Variants in HIVEP1 observed in about 807,000 individuals in gnomAD.
HIVEP1 encodes HIVEP zinc finger 1.
A neutral mutation model predicts 180.0 loss-of-function variants in HIVEP1; 36 were observed. That is an observed-to-expected ratio of 0.20 (90% CI 0.15 to 0.26). The LOEUF (loss-of-function observed/expected upper bound fraction) is 0.26. HIVEP1 is among the 10% of genes least tolerant of loss of function. The probability of loss-of-function intolerance (pLI) is 1.00; values close to 1 mark genes in which losing one functional copy is unlikely to be tolerated. For synonymous variants in HIVEP1, 1,239 were observed against 1,239.0 expected, an observed-to-expected ratio of 1.00 and a Z score of 0.00; for missense variants, 3,143 against 3,268.7, an observed-to-expected ratio of 0.96 and a Z score of 0.94.
chr6:12,036,940 C>T (rs1157924758), intron 2 of HIVEP1, among the ~76,000 whole-genome samples: 1 of 152,088 alleles, frequency 6.6e-6, no homozygotes, highest in Non-Finnish European at 1.5e-5. Context: ...CAAAAAACAG[C>T]CCTCCAGAGA....
At chr6:12,203,409 T>C in the HIVEP1 span, among the ~76,000 whole-genome samples, 13 of 152,224 alleles carry the variant, frequency 8.5e-5, no homozygotes, top group African/African-American at 2.9e-4. Flanking sequence ...TAGTTTTCAT[T>C]AGTCAGACAT....
rs755740907 is a variant in HIVEP1, at chr6:12,125,061, A to G, written c.5266A>G (p.Ile1756Val). 2.5e-6 allele frequency: 4 copies of G among 1,613,968 alleles called. No individual in the cohort carries two copies. The highest frequency in any genetic ancestry group is 2.7e-5 in the African/African-American group (2 of 74,926). The change falls in exon 4 of 9, where the codon ATT (isoleucine) becomes GTT (valine). Residue 1756 changes from isoleucine (I) to valine (V), a missense_variant. Physicochemically the swap from Ile to Val is conservative, Grantham distance 29. Around this residue, in one of 12 missense-constraint regions of HIVEP1, gnomAD observed 1,357 missense variants for 1,260.5 expected, o/e 1.08. Transcript: ENST00000379388. The stretch of plus-strand genomic sequence containing the variant: ...GCTTTCCCCAGCAAATAGTTTAGAC[A>G]TTGCCATGGAAAAGCACCAGAAGCG... ...RMLSPANSLD[I>V]AMEKHQKRAK...
chr6:12,167,714 TA>T (rs1246034159), downstream of HIVEP1, among the ~76,000 whole-genome samples: 2 of 78,684 alleles, frequency 2.5e-5, no homozygotes, highest in African/African-American at 4.3e-5. Context: ...CATATATGCA[TA>T]ATATATATAC....
the HIVEP1 span, among the ~76,000 whole-genome samples, chr6:12,200,599 T>C: frequency 1.2e-3 from 188 of 152,256 alleles, no homozygotes; most frequent in African/African-American, 4.3e-3. Flanking sequence ...TAGAAGGCCA[T>C]TATTGGAGGT....
chr6:12,094,369 T>A (rs1773665198), intron 3 of HIVEP1, among the ~76,000 whole-genome samples: 1 of 151,974 alleles, frequency 6.6e-6, no homozygotes, highest in Admixed American at 6.5e-5. Context: ...TCCAGTAAAA[T>A]TGGTATCTTA....
chr6:12,154,494 C>T (rs1259823953), intron 7 of HIVEP1, among the ~76,000 whole-genome samples: 1 of 152,168 alleles, frequency 6.6e-6, no homozygotes, highest in Non-Finnish European at 1.5e-5. Context: ...CTTAGGTTCA[C>T]CTCACATCCT....
rs930042448 is a variant in HIVEP1, at chr6:12,124,785, C to T, written c.4990C>T (p.Leu1664=). 4 of 1,614,090 alleles carry T rather than the reference C, an allele frequency of 2.5e-6. No homozygotes were observed. The African/African-American group carries it at 5.3e-5, about 22-fold the overall frequency. ...GCCACAAATACTAGTGACCCAAGAT[C>T]TGCCCAATCAGCCAATTTGCCAGAC... ...SLPQILVTQD[L]PNQPICQTNH... Residue 1664 remains leucine, a synonymous_variant, in exon 4 of 9, where the codon CTG becomes TTG. Coordinates refer to ENST00000379388, the MANE Select transcript of HIVEP1 (RefSeq NM_002114.4).
chr6:12,125,041 C>T lies in HIVEP1; in HGVS notation c.5246C>T (p.Ser1749Phe). The change falls in exon 4 of 9, where the codon TCC (serine) becomes TTC (phenylalanine). Residue 1749 changes from serine (S) to phenylalanine (F), a missense_variant. This residue lies in a region of HIVEP1 where 1,357 missense variants were observed against 1,260.5 expected (regional missense o/e 1.08). Transcript: ENST00000379388. ...ESSASSKRML[S>F]PANSLDIAME... Reference sequence around the variant, plus strand: ...TCAGCTTCGAGTAAAAGGATGCTTTCCCCAGCAAATAGTTTAGACATTGCC... The same window carrying T: ...TCAGCTTCGAGTAAAAGGATGCTTTTCCCAGCAAATAGTTTAGACATTGCC... 1 of 1,614,102 alleles carries T rather than the reference C, an allele frequency of 6.2e-7. No individual in the cohort carries two copies. Among genetic ancestry groups the T allele is most frequent in the Non-Finnish European group, 8.5e-7 (1 of 1,180,004 alleles).
At chr6:12,030,890 T>C (rs1199095082) in intron 2 of HIVEP1, among the ~76,000 whole-genome samples, 1 of 152,254 alleles carries the variant, frequency 6.6e-6, no homozygotes, top group African/African-American at 2.4e-5. Context: ...TAATAGATTG[T>C]AGCAACTGTG....
downstream of HIVEP1, among the ~76,000 whole-genome samples, chr6:12,167,673 CATAT>C (rs375095905): frequency 1.3e-3 from 23 of 18,376 alleles, no homozygotes; most frequent in South Asian, 3.3e-3. Flanking sequence ...TACATATATA[CATAT>C]ATGTGTATAA....
chr6:12,087,601 T>C (rs2113319314), intron 2 of HIVEP1, among the ~76,000 whole-genome samples: 1 of 152,256 alleles, frequency 6.6e-6, no homozygotes, highest in African/African-American at 2.4e-5. Context: ...AGGTAATTCA[T>C]GTATTTCGTT....
Position 12,120,788 on chromosome 6 carries a change from A to G in HIVEP1, c.993A>G (p.Thr331=), listed in dbSNP as rs751238410. 6.2e-7 allele frequency: 1 copy of G among 1,614,104 alleles called. No individual in the cohort carries two copies. The highest frequency in any genetic ancestry group is 8.5e-7 in the Non-Finnish European group (1 of 1,180,058). Residue 331 remains threonine, a synonymous_variant, in exon 4 of 9, where the codon ACA becomes ACG. Transcript: ENST00000379388. ...AACAGGTTTATAATATAGCAGTGACATCATCTGTAGGCCTAACTTCACCTT... is the reference window on the plus strand; with the variant it reads ...AACAGGTTTATAATATAGCAGTGACGTCATCTGTAGGCCTAACTTCACCTT... The part of the protein sequence containing the change: ...KLEQVYNIAV[T]SSVGLTSPSS...
intron 7 of HIVEP1, among the ~76,000 whole-genome samples, chr6:12,154,149 G>C (rs1759875929): frequency 6.6e-6 from 1 of 152,196 alleles, no homozygotes; most frequent in Non-Finnish European, 1.5e-5. Flanking sequence ...ATAACTTCCA[G>C]TCCAGCACCA....
upstream of HIVEP1, among the ~76,000 whole-genome samples, chr6:12,011,402 C>G (rs1009606477): frequency 6.6e-6 from 1 of 151,542 alleles, no homozygotes; most frequent in African/African-American, 2.4e-5. Context: ...AAACTACGGC[C>G]CCGCCCGTCC....
intron 2 of HIVEP1, among the ~76,000 whole-genome samples, chr6:12,042,772 A>G (rs551297225): frequency 9.2e-5 from 14 of 152,282 alleles, no homozygotes; most frequent in Admixed American, 7.8e-4. Flanking sequence ...AAACTTTCAT[A>G]TATCTGAAGT....
chr6:12,014,185 G>T (rs1767589118), intron 1 of HIVEP1, among the ~76,000 whole-genome samples: 1 of 152,208 alleles, frequency 6.6e-6, no homozygotes, highest in South Asian at 2.1e-4. Context: ...AGGCCACACA[G>T]TAAGGGGTAA....
chr6:12,125,283 T>C lies in HIVEP1; in HGVS notation c.5488T>C (p.Leu1830=), dbSNP rs1757988814. Residue 1830 remains leucine, a synonymous_variant, in exon 4 of 9, where the codon TTG becomes CTG. Coordinates refer to ENST00000379388, the MANE Select transcript of HIVEP1 (RefSeq NM_002114.4). ...TGAAATTAGTAATGAGGCTGTTAAT[T>C]TGACAAATGTTTTACCAGCTGATAA... ...QPEISNEAVN[L]TNVLPADNSS... is the part of the protein sequence containing the mutation. 6.2e-7 allele frequency: 1 copy of C among 1,613,952 alleles called. No homozygotes were observed. Among genetic ancestry groups the C allele is most frequent in the Non-Finnish European group, 8.5e-7 (1 of 1,179,948 alleles).
chr6:12,203,843 A>G, the HIVEP1 span, among the ~76,000 whole-genome samples: 4 of 152,170 alleles, frequency 2.6e-5, no homozygotes, highest in Non-Finnish European at 5.9e-5. Flanking sequence ...TTGGGGGGCC[A>G]AGGCAAGTGG....
At chr6:12,085,616 C>A (rs1367541784) in intron 2 of HIVEP1, among the ~76,000 whole-genome samples, 4 of 152,112 alleles carry the variant, frequency 2.6e-5, no homozygotes, top group Non-Finnish European at 4.4e-5. Context: ...GCAGTAAAAA[C>A]ACAGCATTCA....
Sources: gnomAD v4.1 joint callset for allele counts (sites outside exome capture counted in the v4.1 genomes callset) on GRCh38, gnomAD v4.1.1 for gene constraint, gnomAD v4.1.1 regional missense constraint, MANE v1.5 for transcripts, NCBI Gene and HGNC (gene_info 2026-07-23, HGNC 2026-07-21) for gene names.